Variants in CADPS observed in about 807,000 individuals in gnomAD.
The protein encoded by CADPS is calcium dependent secretion activator, also known as calcium-dependent secretion activator 1.
In CADPS, 57 loss-of-function variants were observed where a neutral mutation model predicts 167.3. The observed-to-expected ratio is 0.34, with a 90% CI of 0.28 to 0.42. The LOEUF (loss-of-function observed/expected upper bound fraction) is 0.42, where lower values mean the gene tolerates loss of function less well. Among genes scored for constraint, CADPS ranks in the 20% least tolerant of loss-of-function variants. The pLI is 1.00. For missense variants in CADPS, 1,414 were observed against 1,738.1 expected (o/e 0.81, Z 3.32); for synonymous variants, 676 against 635.3 (o/e 1.06, Z -0.96).
chr3:62,605,350 G>A (rs945474584), intron 6 of CADPS, among the ~76,000 whole-genome samples: 1 of 152,130 alleles, frequency 6.6e-6, no homozygotes, highest in Non-Finnish European at 1.5e-5. Flanking sequence ...TGAAGAAGCT[G>A]GTGCAGTGGG....
chr3:62,667,318 A>G (rs952726877), intron 3 of CADPS, among the ~76,000 whole-genome samples: 2 of 152,016 alleles, frequency 1.3e-5, no homozygotes, highest in Non-Finnish European at 2.9e-5. Flanking sequence ...TATATGAAAG[A>G]AATCAGACCA....
intron 8 of CADPS, among the ~76,000 whole-genome samples, chr3:62,578,021 C>T (rs1296003192): frequency 1.3e-5 from 2 of 152,192 alleles, no homozygotes; most frequent in East Asian, 3.9e-4. Context: ...TCAATAATAA[C>T]ATTAAATGCA....
At position 62,858,217 on chromosome 3, in the gene CADPS, T is replaced by C. The variant is rs573602155; in HGVS notation, c.441+16372A>G. ...TAATGGTGTATGTGGCCCATTATTG[T>C]CATCAGGAACTCAAATTATTTCCAT... On this transcript the variant is annotated intron_variant, in intron 1 of 29. Transcript: ENST00000383710. 6.6e-5 allele frequency among the ~76,000 whole-genome samples: 10 copies of C among 152,298 alleles called. No individual in the cohort carries two copies. The East Asian group carries it at 1.2e-3, about 18-fold the overall frequency.
chr3:62,416,962 G>C (rs59754206), intron 28 of CADPS, among the ~76,000 whole-genome samples: 2,928 of 151,802 alleles, frequency 0.019, 88 homozygotes, highest in African/African-American at 0.065. Context: ...ACGGCTCACT[G>C]CAGCCTCAAC....
chr3:62,592,630 T>C lies in CADPS; in HGVS notation c.1437+7A>G, dbSNP rs764266351. 1 of 1,609,256 alleles carries C rather than the reference T, an allele frequency of 6.2e-7. No individual in the cohort carries two copies. Among genetic ancestry groups the C allele is most frequent in the East Asian group, 2.2e-5 (1 of 44,850 alleles). ...GTGGAGTTCCCCTTGTGATAAGAAG[T>C]GCTTACCCGCCCAAGCTCCTTGTCC... On this transcript the variant is annotated splice_region_variant and intron_variant, in intron 7 of 29. Transcript: ENST00000383710.
intron 15 of CADPS, 47 bp downstream of exon 15, chr3:62,516,533 T>A (rs1389952999): frequency 7.3e-7 from 1 of 1,363,210 alleles, no homozygotes; most frequent in Admixed American, 2.1e-5. Context: ...CAATTATGCT[T>A]ATGTCTTTTT....
At chr3:62,697,881 G>C (rs566581422) in intron 3 of CADPS, among the ~76,000 whole-genome samples, 7 of 152,032 alleles carry the variant, frequency 4.6e-5, no homozygotes, top group East Asian at 1.9e-4. Flanking sequence ...TTTCATGTTT[G>C]TTGGCCATTT....
intron 1 of CADPS, among the ~76,000 whole-genome samples, chr3:62,782,174 GA>G (rs926289541): frequency 2.3e-4 from 35 of 152,156 alleles, no homozygotes; most frequent in East Asian, 1.4e-3. Context: ...TACCAGGGGG[GA>G]AAAAAGACAT....
At chr3:62,698,250 T>C (rs1334044352) in intron 3 of CADPS, among the ~76,000 whole-genome samples, 1 of 152,134 alleles carries the variant, frequency 6.6e-6, no homozygotes, top group East Asian at 1.9e-4. Context: ...TACTGTTTCA[T>C]GAATGAGAAA....
chr3:62,623,358 CTT>C (rs1448146776), intron 6 of CADPS, among the ~76,000 whole-genome samples: 1 of 152,100 alleles, frequency 6.6e-6, no homozygotes, highest in Non-Finnish European at 1.5e-5. Context: ...AGGGAGTTGA[CTT>C]TTTGGAATGG....
At chr3:62,800,704 A>G (rs894762409) in intron 1 of CADPS, among the ~76,000 whole-genome samples, 2 of 152,144 alleles carry the variant, frequency 1.3e-5, no homozygotes, top group African/African-American at 2.4e-5. Flanking sequence ...TGGTATGTAT[A>G]TTGTAGTGCC....
Position 62,561,074 on chromosome 3 carries a change from A to G in CADPS, c.1645-3561T>C, listed in dbSNP as rs1421060156. 4.8e-4 allele frequency among the ~76,000 whole-genome samples: 35 copies of G among 73,634 alleles called. No homozygotes were observed. The South Asian group carries it at 0.02, about 42-fold the overall frequency. The allele number at this position is 73,634 out of a possible 152,430, so 48.3% of individuals were successfully genotyped here. A position where few individuals can be genotyped will look rare whatever the true frequency, so the allele number is the denominator to read the frequency against. ...AGCCTGGGAGAAAGAGCGAAACTCCATCTCAAAAAAAAAAAAAAAAAAAAG... is the reference window on the plus strand; with the variant it reads ...AGCCTGGGAGAAAGAGCGAAACTCCGTCTCAAAAAAAAAAAAAAAAAAAAG... On this transcript the variant is annotated intron_variant, in intron 9 of 29. Transcript: ENST00000383710.
At chr3:62,672,709 G>T (rs2150820233) in intron 3 of CADPS, among the ~76,000 whole-genome samples, 1 of 152,178 alleles carries the variant, frequency 6.6e-6, no homozygotes, top group East Asian at 1.9e-4. Flanking sequence ...CTGCAGCCTT[G>T]ACCTCCTGGG....
intron 8 of CADPS, among the ~76,000 whole-genome samples, chr3:62,581,548 G>C (rs955324736): frequency 6.6e-6 from 1 of 151,882 alleles, no homozygotes; most frequent in Non-Finnish European, 1.5e-5. Flanking sequence ...GGGCGTGGTG[G>C]TACATGGCTG....
chr3:62,696,877 C>T (rs1453981706), intron 3 of CADPS, among the ~76,000 whole-genome samples: 1 of 152,012 alleles, frequency 6.6e-6, no homozygotes, highest in African/African-American at 2.4e-5. Flanking sequence ...GAGCACCCCT[C>T]CTTGATATCC....
At position 62,571,611 on chromosome 3, in the gene CADPS, C is replaced by CGG. The variant is rs758545494; in HGVS notation, c.1578-675_1578-674dup. Among the ~76,000 whole-genome samples, 297 of 151,250 alleles carry CGG rather than the reference C, an allele frequency of 2.0e-3. 1 individual carries two copies. The highest frequency in any genetic ancestry group is 2.7e-3 in the Non-Finnish European group (186 of 67,902). On this transcript the variant is annotated intron_variant, in intron 8 of 29. Coordinates refer to ENST00000383710, the MANE Select transcript of CADPS (RefSeq NM_003716.4). ...CAGAGTTTCACTCTTGTTGCCCAGG[C>CGG]GGGAGTGCAATGGTGTGATCTCAGC...
At chr3:62,407,575 G>T (rs1001965996) in intron 28 of CADPS, among the ~76,000 whole-genome samples, 2 of 152,016 alleles carry the variant, frequency 1.3e-5, no homozygotes, top group Non-Finnish European at 2.9e-5. Flanking sequence ...TCTCCTTTTG[G>T]GGTTAATACC....
intron 28 of CADPS, among the ~76,000 whole-genome samples, chr3:62,425,271 G>T (rs2052387015): frequency 6.6e-6 from 1 of 152,014 alleles, no homozygotes; most frequent in African/African-American, 2.4e-5. Context: ...GTTATGGGGG[G>T]GCTGTCTTGT....
intron 6 of CADPS, among the ~76,000 whole-genome samples, chr3:62,608,250 T>A (rs1397422445): frequency 5.3e-5 from 8 of 150,706 alleles, no homozygotes; most frequent in Admixed American, 1.3e-4. Flanking sequence ...GAAAAAAAAA[T>A]ACCAAAAAAC....
Sources: allele counts gnomAD v4.1 joint callset (sites outside exome capture counted in the v4.1 genomes callset), GRCh38; gene constraint gnomAD v4.1.1; transcripts MANE v1.5; gene names NCBI Gene and HGNC (gene_info 2026-07-23, HGNC 2026-07-21).